The following ITGB1 variants were observed in gnomAD, a reference collection of about 807,000 sequenced individuals.
The protein encoded by ITGB1 is integrin beta-1.
ITGB1 carries 24 observed loss-of-function variants against 86.5 expected under a neutral mutation model. The ratio of observed to expected loss-of-function variants is 0.28; its 90% CI spans 0.20 to 0.39. ITGB1 has a LOEUF of 0.39. Among genes scored for constraint, ITGB1 ranks in the 10% least tolerant of loss-of-function variants. The probability of loss-of-function intolerance (pLI) is 1.00; values close to 1 mark genes in which losing one functional copy is unlikely to be tolerated. For synonymous variants in ITGB1, 323 were observed against 316.8 expected, an observed-to-expected ratio of 1.02 and a Z score of -0.21; for missense variants, 556 against 946.9, an observed-to-expected ratio of 0.59 and a Z score of 5.42.
Position 32,932,616 on chromosome 10 carries a change from AAGAAC to A in ITGB1, c.68-21_68-17del, listed in dbSNP as rs2094987251. 1.6e-5 allele frequency: 23 copies of A among 1,412,174 alleles called. No individual in the cohort carries two copies. Among genetic ancestry groups the A allele is most frequent in the Non-Finnish European group, 2.2e-5 (22 of 996,676 alleles). The allele number at this position is 1,412,174 out of a possible 1,614,324, so 87.5% of individuals were successfully genotyped here. Reference sequence around the variant, plus strand: ...CTATTTTCATCTGTCAGAAAGAAGAAAGAACAGAACATTTTATGTGAAGTGTCAGA... The same window carrying A: ...CTATTTTCATCTGTCAGAAAGAAGAAAGAACATTTTATGTGAAGTGTCAGA... On this transcript the variant is annotated splice_polypyrimidine_tract_variant and intron_variant, in intron 2 of 15. Transcript: ENST00000302278.
intron 7 of ITGB1, among the ~76,000 whole-genome samples, chr10:32,923,023 A>G (rs2094954830): frequency 6.6e-6 from 1 of 152,208 alleles, no homozygotes; most frequent in South Asian, 2.1e-4. Context: ...TGTATGAATA[A>G]AAAATTCCAT....
At chr10:32,921,973 C>T (rs2094951428) in intron 9 of ITGB1, among the ~76,000 whole-genome samples, 1 of 152,034 alleles carries the variant, frequency 6.6e-6, no homozygotes, top group African/African-American at 2.4e-5. Context: ...TTATGTTTTA[C>T]AATTGCTTTC....
At chr10:32,932,287 T>C (rs1008679450) in intron 3 of ITGB1, among the ~76,000 whole-genome samples, 1 of 152,194 alleles carries the variant, frequency 6.6e-6, no homozygotes, top group African/African-American at 2.4e-5. Flanking sequence ...TACTAAGTCT[T>C]TGAAATCTTG....
intron 11 of ITGB1, among the ~76,000 whole-genome samples, chr10:32,918,138 G>A (rs1161041382): frequency 1.3e-5 from 2 of 152,104 alleles, no homozygotes; most frequent in Non-Finnish European, 2.9e-5. Context: ...GGTGGGAACT[G>A]AACAATGAGA....
chr10:32,942,696 TTGG>T (rs2095021757), intron 1 of ITGB1, among the ~76,000 whole-genome samples: 4 of 144,338 alleles, frequency 2.8e-5, no homozygotes, highest in South Asian at 4.5e-4. Flanking sequence ...TTTTTTTTTT[TTGG>T]GGGGAGACAG....
Position 32,950,402 on chromosome 10 carries a change from G to T in ITGB1, c.-1+7743C>A, listed in dbSNP as rs2095040297. Among the ~76,000 whole-genome samples the T allele has an allele frequency of 3.3e-5, 5 of 152,264 alleles. No individual in the cohort carries two copies. In the South Asian group the frequency reaches 1.0e-3, roughly 32 times the overall value. On this transcript the variant is annotated intron_variant, in intron 1 of 15. Coordinates refer to ENST00000302278, the MANE Select transcript of ITGB1 (RefSeq NM_002211.4). ...TGGAGATGAGTTCCTCCCATGGAAA[G>T]GGAACCTTTCCCCTTACAGGAAGAA...
Position 32,945,313 on chromosome 10 carries a change from T to C in ITGB1, c.1-9755A>G, listed in dbSNP as rs999988949. Among the ~76,000 whole-genome samples, 32 of 152,140 alleles carry C rather than the reference T, an allele frequency of 2.1e-4. 1 individual carries two copies. Among genetic ancestry groups the C allele is most frequent in the Admixed American group, 2.1e-3 (32 of 15,276 alleles). ...TCTAACTTTTTGTTCATTAAGTGGT[T>C]GATAGGCTGGGTGCAGTGGCTCATG... On this transcript the variant is annotated intron_variant, in intron 1 of 15. Coordinates refer to ENST00000302278, the MANE Select transcript of ITGB1 (RefSeq NM_002211.4).
intron 1 of ITGB1, among the ~76,000 whole-genome samples, chr10:32,951,193 T>C (rs569688660): frequency 2.0e-5 from 3 of 152,128 alleles, no homozygotes; most frequent in African/African-American, 7.2e-5. Context: ...AAATCTCAAA[T>C]AGATCTTGAC....
intron 1 of ITGB1, among the ~76,000 whole-genome samples, chr10:32,954,130 CAG>C (rs1357248377): frequency 2.0e-5 from 3 of 152,074 alleles, no homozygotes; most frequent in East Asian, 3.8e-4. Flanking sequence ...TGAAATCTCT[CAG>C]AGTTTTTTCT....
chr10:32,914,123 G>C (rs4460762), intron 11 of ITGB1, among the ~76,000 whole-genome samples: 102,455 of 151,852 alleles, frequency 0.67, 39,234 homozygotes, highest in Non-Finnish European at 0.84. Context: ...CTGAGAGATT[G>C]TGTCACCACC....
intron 11 of ITGB1, among the ~76,000 whole-genome samples, chr10:32,918,981 G>C (rs1480366490): frequency 6.6e-6 from 1 of 151,992 alleles, no homozygotes; most frequent in Non-Finnish European, 1.5e-5. Flanking sequence ...TTCTGTATCT[G>C]GTAAAAATAT....
At chr10:32,949,572 G>T (rs1369411233) in intron 1 of ITGB1, among the ~76,000 whole-genome samples, 3 of 152,050 alleles carry the variant, frequency 2.0e-5, no homozygotes, top group South Asian at 2.1e-4. Flanking sequence ...TCACCTTAAG[G>T]TCATTTTTTA....
chr10:32,901,731 T>A, intron 15 of ITGB1, 96 bp from the exon 16 acceptor site: 1 of 750,904 alleles, frequency 1.3e-6, no homozygotes, highest in Non-Finnish European at 2.2e-6. Context: ...GCAATCATCT[T>A]AAGAAGTCAT....
chr10:32,945,577 C>T (rs2095029581), intron 1 of ITGB1, among the ~76,000 whole-genome samples: 1 of 150,730 alleles, frequency 6.6e-6, no homozygotes, highest in African/African-American at 2.5e-5. Flanking sequence ...CCAGCCTGGG[C>T]GACAGACCGA....
chr10:32,922,781 A>C, intron 7 of ITGB1, 46 bp from the exon 8 acceptor site: 1 of 1,055,956 alleles, frequency 9.5e-7, no homozygotes, highest in Non-Finnish European at 1.4e-6. Flanking sequence ...ACACCCTTAT[A>C]ATCTCTTCTA....
At chr10:32,956,966 C>T (rs2095053567) in intron 1 of ITGB1, among the ~76,000 whole-genome samples, 1 of 152,118 alleles carries the variant, frequency 6.6e-6, no homozygotes, top group Admixed American at 6.5e-5. Context: ...TGGAACTAGA[C>T]CCCATGCCTT....
In ITGB1 at chr10:32,922,299, T is replaced by G. The variant is rs2230395; in HGVS notation, c.1086A>C (p.Ala362=). 0.12 allele frequency: 189,791 copies of G among 1,606,732 alleles called. 13,025 individuals carry two copies. The highest frequency in any genetic ancestry group is 0.31 in the East Asian group (13,884 of 44,514). The stretch of plus-strand genomic sequence containing the variant: ...TCAACTGAATTACATTGCTAGAATT[T>G]GCAGATAATGTTCCTACTGCTGACT... The part of the protein sequence containing the change: ...IPKSAVGTLS[A]NSSNVIQLII... The change falls in exon 9 of 16, where the codon GCA becomes GCC. Residue 362 remains alanine, a synonymous_variant. Transcript: ENST00000302278.
chr10:32,907,237 T>C, intron 15 of ITGB1: 1 of 391,912 alleles, frequency 2.6e-6, no homozygotes, highest in Non-Finnish European at 4.7e-6. Flanking sequence ...TTTTTATTTC[T>C]ACCCTTCTGA....
chr10:32,914,184 C>T (rs1341969617), intron 11 of ITGB1, among the ~76,000 whole-genome samples: 9 of 152,192 alleles, frequency 5.9e-5, no homozygotes, highest in Admixed American at 5.9e-4. Context: ...TGGAAAGGAA[C>T]AACTGGTACC....
Sources: gnomAD v4.1 joint callset for allele counts (sites outside exome capture counted in the v4.1 genomes callset) on GRCh38, gnomAD v4.1.1 for gene constraint, MANE v1.5 for transcripts, NCBI Gene and HGNC (gene_info 2026-07-23, HGNC 2026-07-21) for gene names.